The following PEX5 variants were observed in gnomAD, a reference collection of about 807,000 sequenced individuals.
PEX5 encodes PTS1 receptor.
Under a neutral mutation model 82.9 loss-of-function variants are expected in PEX5, and 52 were observed. That is an observed-to-expected ratio of 0.63 (90% CI 0.50 to 0.79). PEX5 has a LOEUF of 0.79. Ranked by LOEUF, PEX5 falls within the 30% of genes least tolerant of loss-of-function variation. The probability of loss-of-function intolerance (pLI) is 0.00; values close to 1 mark genes in which losing one functional copy is unlikely to be tolerated. For missense variants in PEX5, 719 were observed against 815.2 expected (o/e 0.88, Z 1.44); for synonymous variants, 300 against 318.8 (o/e 0.94, Z 0.63).
chr12:7,189,973 G>A, intron 1 of PEX5: 1 of 1,494,988 alleles, frequency 6.7e-7, no homozygotes, highest in Non-Finnish European at 8.8e-7. Context: ...GGGGCTGCGC[G>A]GGGCTAGGTA....
intron 1 of PEX5, 192 bp from the exon 2 acceptor site, chr12:7,190,170 G>A (rs966581641): frequency 2.3e-4 from 352 of 1,499,964 alleles, no homozygotes; most frequent in Non-Finnish European, 3.0e-4. Context: ...GGCCTTTGAG[G>A]GGGGCGGCAG....
chr12:7,189,428 C>T (rs1409630683), upstream of PEX5: 1 of 152,944 alleles, frequency 6.5e-6, no homozygotes, highest in Non-Finnish European at 1.5e-5. Flanking sequence ...CTGGGAAGCC[C>T]TTCTTAGCTC....
rs1942916819 is a variant in PEX5 at position 7,197,456 on chromosome 12, G to GTAATTATATATGTTATATATAATA, written c.449-1551_449-1550insTATATATGTTATATATAATATAAT. ...ACAATGTAATTATGTTATATATAAT[G>GTAATTATATATGTTATATATAATA]TAATAATTATATATGTTATATATAA... is the stretch of plus-strand genomic sequence containing the variant. On this transcript the variant is annotated intron_variant, in intron 5 of 15. Coordinates refer to ENST00000675855, the MANE Select transcript of PEX5 (RefSeq NM_001351132.2). Among the ~76,000 whole-genome samples the GTAATTATATATGTTATATATAATA allele has an allele frequency of 6.1e-5, 7 of 114,734 alleles. 1 individual carries two copies. Among genetic ancestry groups the GTAATTATATATGTTATATATAATA allele is most frequent in the Admixed American group, 1.8e-4 (2 of 11,360 alleles). 75.3% of individuals were successfully genotyped at this position (114,734 alleles called of 152,430 possible). A position where few individuals can be genotyped will look rare whatever the true frequency, so the allele number is the denominator to read the frequency against.
At chr12:7,209,258 G>A (rs979129653) in intron 14 of PEX5, 88 bp downstream of exon 14, 9 of 1,322,270 alleles carry the variant, frequency 6.8e-6, no homozygotes, top group Middle Eastern at 5.0e-4. Context: ...GATGGTGCAT[G>A]CCTGTAGTCC....
At chr12:7,202,220 G>T in intron 7 of PEX5, 21 bp from the exon 8 acceptor site, 1 of 1,613,976 alleles carries the variant, frequency 6.2e-7, no homozygotes. Flanking sequence ...CAAGTGGCCT[G>T]TGTGTGTCTC....
chr12:7,202,534 T>TG (rs1944223109), intron 8 of PEX5, 78 bp from the exon 9 acceptor site: 1 of 1,421,030 alleles, frequency 7.0e-7, no homozygotes, highest in South Asian at 1.2e-5. Flanking sequence ...AGGTTGGTGG[T>TG]GGTTAGTGGG....
downstream of PEX5, among the ~76,000 whole-genome samples, chr12:7,212,116 C>T (rs529154941): frequency 6.6e-6 from 1 of 151,812 alleles, no homozygotes; most frequent in South Asian, 2.1e-4. Context: ...CAGGCATGTG[C>T]CACCACGCCC....
Position 7,209,853 on chromosome 12 carries a change from A to G in PEX5, c.1718+13A>G, listed in dbSNP as rs116873137. The G allele has an allele frequency of 0.016, 26,139 of 1,614,016 alleles. 281 individuals carry two copies. Among genetic ancestry groups the G allele is most frequent in the Non-Finnish European group, 0.02 (23,871 of 1,179,890 alleles). On this transcript the variant is annotated intron_variant, in intron 15 of 15. Coordinates refer to ENST00000675855, the MANE Select transcript of PEX5 (RefSeq NM_001351132.2). ...TCGGGGCTCACCGGTGAGAGTATCT[A>G]TTGAGAAATGAATGAATGAGCTTTT...
rs1388246832 is a variant in PEX5 at position 7,197,120 on chromosome 12, A to AT, written c.449-1890dup. Reference sequence around the variant, plus strand: ...GTAATTATATATGTCATATAATGTAATAATATATGTCATATATAATGTAAT... The same window carrying AT: ...GTAATTATATATGTCATATAATGTAATTAATATATGTCATATATAATGTAAT... On this transcript the variant is annotated intron_variant, in intron 5 of 15. Transcript: ENST00000675855. Among the ~76,000 whole-genome samples, 4 of 62,722 alleles carry AT rather than the reference A, an allele frequency of 6.4e-5. 2 individuals carry two copies. Among genetic ancestry groups the AT allele is most frequent in the African/African-American group, 9.4e-5 (2 of 21,286 alleles). The allele number at this position is 62,722 out of a possible 152,430, so 41.1% of individuals were successfully genotyped here.
At chr12:7,200,845 G>T (rs1565699208) in intron 6 of PEX5, among the ~76,000 whole-genome samples, 1 of 151,852 alleles carries the variant, frequency 6.6e-6, no homozygotes, top group Non-Finnish European at 1.5e-5. Context: ...CAGCAGTACA[G>T]TCCAGCTTCG....
rs1943235223 is a variant in PEX5 at position 7,199,036 on chromosome 12, C to T, written c.474C>T (p.Arg158=). ...VTDPLSVSPA[R]WAEEYLEQSE... ...ACCCCTTGTCTGTGTCCCCTGCCCGCTGGGCTGAGGAATATTTGGAGCAAT... is the reference window on the plus strand; with the variant it reads ...ACCCCTTGTCTGTGTCCCCTGCCCGTTGGGCTGAGGAATATTTGGAGCAAT... Residue 158 remains arginine, a synonymous_variant, in exon 6 of 16, where the codon CGC becomes CGT. Coordinates refer to ENST00000675855, the MANE Select transcript of PEX5 (RefSeq NM_001351132.2). 3.1e-6 allele frequency: 5 copies of T among 1,607,266 alleles called. No individual in the cohort carries two copies. In the East Asian group the frequency reaches 1.1e-4, roughly 36 times the overall value.
chr12:7,202,417 G>C lies in PEX5; in HGVS notation c.753+66G>C, dbSNP rs991578479. 3.1e-6 allele frequency: 5 copies of C among 1,587,652 alleles called. No individual in the cohort carries two copies. The African/African-American group carries it at 5.4e-5, about 17-fold the overall frequency. On this transcript the variant is annotated intron_variant, in intron 8 of 15. Coordinates refer to ENST00000675855, the MANE Select transcript of PEX5 (RefSeq NM_001351132.2). ...TGATGCCCCAGGCCATGGGTTCAGT[G>C]GTCAGTGGTCCCAGATGGGGAAGGA...
At chr12:7,215,902 A>AATGACAAAATAATGAC (rs1416457636), downstream of PEX5, among the ~76,000 whole-genome samples, 4 of 152,182 alleles carry the variant, frequency 2.6e-5, no homozygotes, top group African/African-American at 9.7e-5. Context: ...AAAACAAAAC[A>AATGACAAAATAATGAC]AAAGCCATTT....
At chr12:7,196,550 A>T (rs1383353707) in intron 5 of PEX5, among the ~76,000 whole-genome samples, 23 of 57,714 alleles carry the variant, frequency 4.0e-4, no homozygotes, top group East Asian at 6.9e-4. Context: ...ATAATGTAAT[A>T]ATTATATATG....
At chr12:7,201,994 T>A in intron 7 of PEX5, 153 bp downstream of exon 7, 1 of 755,994 alleles carries the variant, frequency 1.3e-6, no homozygotes, top group African/African-American at 1.7e-5. Context: ...AGATCCTGCC[T>A]CTTCCTTCTA....
chr12:7,190,999 G>C, intron 3 of PEX5, 76 bp downstream of exon 3: 1 of 1,429,476 alleles, frequency 7.0e-7, no homozygotes, highest in Non-Finnish European at 9.9e-7. Context: ...TAGTTCACCC[G>C]TATTTCAATT....
intron 1 of PEX5, 23 bp downstream of exon 1, chr12:7,189,773 G>C (rs747915491): frequency 9.4e-6 from 4 of 426,658 alleles, no homozygotes; most frequent in Admixed American, 1.0e-4. Context: ...CCCCGAGGGG[G>C]CCCGGGGCCG....
At chr12:7,189,892 G>A in intron 1 of PEX5, 142 bp downstream of exon 1, 10 of 1,411,560 alleles carry the variant, frequency 7.1e-6, no homozygotes, top group Non-Finnish European at 9.2e-6. Flanking sequence ...GGAGGGACCG[G>A]GCCGAGCCGG....
chr12:7,190,373 T>G lies in PEX5; in HGVS notation c.-5T>G, dbSNP rs371185376. The G allele has an allele frequency of 6.2e-7, 1 of 1,614,148 alleles. No individual in the cohort carries two copies. The highest frequency in any genetic ancestry group is 1.1e-5 in the South Asian group (1 of 91,086). On this transcript the variant is annotated 5_prime_UTR_variant, in exon 2 of 16. Coordinates refer to ENST00000675855, the MANE Select transcript of PEX5 (RefSeq NM_001351132.2). ...CCTGTGTCCATCAGAGAGCTGGCGGTCACCATGGCAATGCGGGAGCTGGTG... is the reference window on the plus strand; with the variant it reads ...CCTGTGTCCATCAGAGAGCTGGCGGGCACCATGGCAATGCGGGAGCTGGTG...
Sources: allele counts gnomAD v4.1 joint callset (sites outside exome capture counted in the v4.1 genomes callset), GRCh38; gene constraint gnomAD v4.1.1; transcripts MANE v1.5; gene names NCBI Gene and HGNC (gene_info 2026-07-23, HGNC 2026-07-21).